Variants in FHIT observed in about 807,000 individuals in gnomAD.
FHIT encodes fragile histidine triad diadenosine triphosphatase, also known as bis(5'-adenosyl)-triphosphatase.
A neutral mutation model predicts 17.9 loss-of-function variants in FHIT; 19 were observed. The ratio of observed to expected loss-of-function variants is 1.06; its 90% CI spans 0.74 to 1.56. The LOEUF (loss-of-function observed/expected upper bound fraction) is 1.56, where lower values mean the gene tolerates loss of function less well. Ranked by LOEUF, FHIT falls within the 40% of genes most tolerant of loss-of-function variation. The probability of loss-of-function intolerance (pLI) is 0.00; values close to 1 mark genes in which losing one functional copy is unlikely to be tolerated. For missense variants in FHIT, 248 were observed against 189.2 expected, an observed-to-expected ratio of 1.31 and a Z score of -1.82; for synonymous variants, 81 against 69.7, an observed-to-expected ratio of 1.16 and a Z score of -0.81.
At chr3:60,297,612 C>G (rs1012579640) in intron 5 of FHIT, among the ~76,000 whole-genome samples, 4 of 152,036 alleles carry the variant, frequency 2.6e-5, no homozygotes, top group Non-Finnish European at 5.9e-5. Flanking sequence ...CCTTTCTAAT[C>G]TGTATGTCTT....
chr3:61,040,857 C>G (rs984490186), intron 3 of FHIT, among the ~76,000 whole-genome samples: 2 of 152,130 alleles, frequency 1.3e-5, no homozygotes, highest in African/African-American at 4.8e-5. Flanking sequence ...TTCAGAGAGC[C>G]CATAACCAGC....
At chr3:61,088,854 T>G (rs777116395) in intron 2 of FHIT, among the ~76,000 whole-genome samples, 1 of 151,652 alleles carries the variant, frequency 6.6e-6, no homozygotes, top group South Asian at 2.1e-4. Context: ...CCATGAAAAC[T>G]GCAAGTATGG....
At chr3:60,902,081 T>C (rs1239792606) in intron 3 of FHIT, among the ~76,000 whole-genome samples, 1 of 152,180 alleles carries the variant, frequency 6.6e-6, no homozygotes, top group African/African-American at 2.4e-5. Context: ...TTCTGACAAA[T>C]GCATATAGTT....
chr3:60,655,960 T>C (rs564837068), intron 4 of FHIT, among the ~76,000 whole-genome samples: 1 of 152,226 alleles, frequency 6.6e-6, no homozygotes, highest in Admixed American at 6.5e-5. Context: ...GGTGTCCATG[T>C]TATTTAGAAC....
intron 7 of FHIT, among the ~76,000 whole-genome samples, chr3:59,979,368 A>G (rs985862141): frequency 6.6e-6 from 1 of 152,136 alleles, no homozygotes; most frequent in Non-Finnish European, 1.5e-5. Flanking sequence ...CTTTCTTATC[A>G]CATATTTTGC....
intron 2 of FHIT, among the ~76,000 whole-genome samples, chr3:61,100,787 G>C (rs565453017): frequency 4.5e-4 from 68 of 152,184 alleles, no homozygotes; most frequent in South Asian, 8.3e-4. Flanking sequence ...TCGTGGTTTT[G>C]ATTTGCATTT....
chr3:60,937,563 T>TTC (rs1343981351), intron 3 of FHIT, among the ~76,000 whole-genome samples: 6 of 30,324 alleles, frequency 2.0e-4, no homozygotes, highest in Non-Finnish European at 5.8e-4. Flanking sequence ...TTTTCTTTTC[T>TTC]TTTCTTTTTT....
intron 2 of FHIT, among the ~76,000 whole-genome samples, chr3:61,073,795 C>T (rs142316927): frequency 6.6e-6 from 1 of 152,186 alleles, no homozygotes; most frequent in Non-Finnish European, 1.5e-5. Flanking sequence ...TAATGACTAG[C>T]AATTTAAATA....
chr3:60,145,129 C>A (rs1576196089), intron 5 of FHIT, among the ~76,000 whole-genome samples: 1 of 150,560 alleles, frequency 6.6e-6, no homozygotes, highest in Admixed American at 6.6e-5. Flanking sequence ...TTCATATGTT[C>A]TCACTGTTAG....
At chr3:60,173,351 G>A (rs1006028062) in intron 5 of FHIT, among the ~76,000 whole-genome samples, 1 of 152,100 alleles carries the variant, frequency 6.6e-6, no homozygotes, top group African/African-American at 2.4e-5. Flanking sequence ...GATACTTGTG[G>A]TAGTGCAGTT....
chr3:60,021,264 T>C (rs900488449), intron 5 of FHIT, among the ~76,000 whole-genome samples: 2 of 152,158 alleles, frequency 1.3e-5, no homozygotes, highest in Non-Finnish European at 2.9e-5. Flanking sequence ...AACCCAGGTA[T>C]CCTTGTCTAG....
intron 5 of FHIT, among the ~76,000 whole-genome samples, chr3:60,391,939 T>C (rs1472709077): frequency 2.0e-5 from 3 of 151,782 alleles, no homozygotes; most frequent in African/African-American, 7.3e-5. Flanking sequence ...TCTTCTTTTT[T>C]TCTTTTTTTA....
intron 3 of FHIT, among the ~76,000 whole-genome samples, chr3:60,845,179 T>C (rs755052863): frequency 5.3e-5 from 8 of 152,124 alleles, no homozygotes; most frequent in Non-Finnish European, 8.8e-5. Context: ...AATGTTAGTG[T>C]TCCAAGCTTT....
At chr3:60,628,913 G>C (rs927999499) in intron 4 of FHIT, among the ~76,000 whole-genome samples, 3 of 152,038 alleles carry the variant, frequency 2.0e-5, no homozygotes, top group Non-Finnish European at 2.9e-5. Context: ...GGACTTGTTG[G>C]GGGTGGCAGC....
chr3:60,055,044 C>A (rs528505517), intron 5 of FHIT, among the ~76,000 whole-genome samples: 1 of 152,240 alleles, frequency 6.6e-6, no homozygotes, highest in South Asian at 2.1e-4. Context: ...AATACCCTGT[C>A]ATTATATGAT....
At chr3:61,036,714 A>C (rs2033257895) in intron 3 of FHIT, among the ~76,000 whole-genome samples, 1 of 152,228 alleles carries the variant, frequency 6.6e-6, no homozygotes, top group Non-Finnish European at 1.5e-5. Context: ...TTATTAGGTC[A>C]ATCTAGGCTC....
At chr3:60,525,648 T>TCCA (rs2035545874) in intron 5 of FHIT, among the ~76,000 whole-genome samples, 4 of 152,328 alleles carry the variant, frequency 2.6e-5, no homozygotes, top group South Asian at 2.1e-4. Flanking sequence ...TCTCTCCATT[T>TCCA]TAAAATTCTA....
In FHIT at chr3:59,748,283, A is replaced by C. The variant is rs950578133; in HGVS notation, c.*1302T>G. Reference sequence around the variant, plus strand: ...AATGCTCTAGGTGGTCCACAAAGATAAGAAAAATCATGACAAAATGGGAAT... The same window carrying C: ...AATGCTCTAGGTGGTCCACAAAGATCAGAAAAATCATGACAAAATGGGAAT... On this transcript the variant is annotated 3_prime_UTR_variant, in exon 10 of 10. Transcript: ENST00000492590. Among the ~76,000 whole-genome samples, 2 of 152,176 alleles carry C rather than the reference A, an allele frequency of 1.3e-5. No individual in the cohort carries two copies. Among genetic ancestry groups the C allele is most frequent in the Admixed American group, 1.3e-4 (2 of 15,274 alleles).
At chr3:60,588,915 A>T (rs556016981) in intron 4 of FHIT, among the ~76,000 whole-genome samples, 1 of 152,168 alleles carries the variant, frequency 6.6e-6, no homozygotes, top group South Asian at 2.1e-4. Flanking sequence ...AGAATTCAGC[A>T]TTTAGCTCCA....
Sources: gnomAD v4.1 joint callset for allele counts (sites outside exome capture counted in the v4.1 genomes callset) on GRCh38, gnomAD v4.1.1 for gene constraint, MANE v1.5 for transcripts, NCBI Gene and HGNC (gene_info 2026-07-23, HGNC 2026-07-21) for gene names.